The following DNM3 variants were observed in gnomAD, a reference collection of about 807,000 sequenced individuals.
The protein encoded by DNM3 is dynamin-3.
DNM3 carries 47 observed loss-of-function variants against 101.6 expected under a neutral mutation model. The ratio of observed to expected loss-of-function variants is 0.46; its 90% confidence interval spans 0.37 to 0.59. The LOEUF (loss-of-function observed/expected upper bound fraction) is 0.59, where lower values mean the gene tolerates loss of function less well. Among genes scored for constraint, DNM3 ranks in the 20% least tolerant of loss-of-function variants. DNM3 has a pLI of 0.00. For synonymous variants in DNM3, 385 were observed against 387.9 expected, an observed-to-expected ratio of 0.99 and a Z score of 0.09; for missense variants, 849 against 1,085.7, an observed-to-expected ratio of 0.78 and a Z score of 3.06.
chr1:171,916,047 T>C (rs2039683881), intron 1 of DNM3, among the ~76,000 whole-genome samples: 1 of 152,220 alleles, frequency 6.6e-6, no homozygotes, highest in East Asian at 1.9e-4. Context: ...TCTAACTGCC[T>C]ACATGTTGTT....
At chr1:172,253,839 T>C (rs572729364) in intron 15 of DNM3, among the ~76,000 whole-genome samples, 157 bp downstream of exon 15, 2 of 152,238 alleles carry the variant, frequency 1.3e-5, no homozygotes, top group African/African-American at 4.8e-5. Context: ...AATTCCACCA[T>C]GGGTTATGGC....
chr1:172,024,482 C>T (rs1476434829), intron 4 of DNM3, among the ~76,000 whole-genome samples: 1 of 152,122 alleles, frequency 6.6e-6, no homozygotes, highest in African/African-American at 2.4e-5. Flanking sequence ...TGTACTAATT[C>T]CTGAATAAAG....
intron 20 of DNM3, among the ~76,000 whole-genome samples, chr1:172,396,677 A>C (rs1282888705): frequency 1.3e-5 from 2 of 152,240 alleles, no homozygotes; most frequent in Non-Finnish European, 2.9e-5. Flanking sequence ...TTATTTTACA[A>C]TCAAATATAC....
At position 171,899,055 on chromosome 1, in the gene DNM3, C is replaced by T. The variant is rs538890061; in HGVS notation, c.162-22693C>T. ...CATTGTTCCTCTTAGCCCCTCCGGA[C>T]GCTTGCCTAGCTGGGCTGAGGCAGG... is the stretch of plus-strand genomic sequence containing the variant. On this transcript the variant is annotated intron_variant, in intron 1 of 20. Coordinates refer to ENST00000627582, the MANE Select transcript of DNM3 (RefSeq NM_015569.5). Among the ~76,000 whole-genome samples, 156 of 152,306 alleles carry T rather than the reference C, an allele frequency of 1.0e-3. 3 individuals carry two copies. In the South Asian group the frequency reaches 0.028, roughly 28 times the overall value.
rs115509931 is a variant in DNM3 at position 172,197,966 on chromosome 1, G to A, written c.1660-55607G>A. 8.7e-3 allele frequency among the ~76,000 whole-genome samples: 1,325 copies of A among 152,226 alleles called. 16 individuals are homozygous for A. The highest frequency in any genetic ancestry group is 0.029 in the African/African-American group (1,185 of 41,530). Reference sequence around the variant, plus strand: ...CTATGTTGAGTGAAGTGGTAAGAGAGGGCATCCTTGTCCTGTGCCAGTTTT... The same window carrying A: ...CTATGTTGAGTGAAGTGGTAAGAGAAGGCATCCTTGTCCTGTGCCAGTTTT... On this transcript the variant is annotated intron_variant, in intron 14 of 20. Transcript: ENST00000627582.
At chr1:171,923,435 T>A (rs2040334315) in intron 2 of DNM3, among the ~76,000 whole-genome samples, 1 of 150,080 alleles carries the variant, frequency 6.7e-6, no homozygotes, top group African/African-American at 2.5e-5. Context: ...TGATTTGCAT[T>A]TTTTTTTTCT....
rs575702706 is a variant in DNM3, at chr1:172,143,911, T to C, written c.1659+12623T>C. Among the ~76,000 whole-genome samples the C allele has an allele frequency of 2.0e-5, 3 of 152,216 alleles. 1 individual carries two copies. The highest frequency in any genetic ancestry group is 4.8e-5 in the African/African-American group (2 of 41,542). On this transcript the variant is annotated intron_variant, in intron 14 of 20. Transcript: ENST00000627582. ...GGTACTATTATTCCTGTTGTTTATA[T>C]TACAGAAGGAAATCTTCAGAAAAGC...
chr1:172,388,209 G>C (rs2069309062), intron 19 of DNM3, among the ~76,000 whole-genome samples: 2 of 152,056 alleles, frequency 1.3e-5, no homozygotes, highest in Non-Finnish European at 2.9e-5. Flanking sequence ...ACTCCAGCCT[G>C]GGTGACAGAG....
chr1:172,367,364 C>T (rs1422363592), intron 17 of DNM3, among the ~76,000 whole-genome samples: 1 of 151,826 alleles, frequency 6.6e-6, no homozygotes, highest in Non-Finnish European at 1.5e-5. Context: ...AGAAGTCCTA[C>T]ACATGGAAGC....
chr1:171,937,733 C>T (rs1188002245), intron 2 of DNM3, among the ~76,000 whole-genome samples: 1 of 145,986 alleles, frequency 6.8e-6, no homozygotes, highest in African/African-American at 2.5e-5. Context: ...CCACATTTAG[C>T]TAATTTTTCT....
At chr1:171,920,645 A>C (rs1004969741) in intron 1 of DNM3, among the ~76,000 whole-genome samples, 1 of 152,334 alleles carries the variant, frequency 6.6e-6, no homozygotes, top group South Asian at 2.1e-4. Flanking sequence ...ATGTGTTTAA[A>C]AACTGTGCTA....
At chr1:172,311,178 T>G (rs2065063548) in intron 16 of DNM3, 1 of 152,172 alleles carries the variant, frequency 6.6e-6, no homozygotes, top group African/African-American at 2.4e-5. Flanking sequence ...ATGAACATTT[T>G]CATCAAAACT....
Position 172,045,419 on chromosome 1 carries a change from C to A in DNM3, c.1196+967C>A, listed in dbSNP as rs2049714905. Among the ~76,000 whole-genome samples the A allele has an allele frequency of 2.0e-5, 3 of 152,092 alleles. No individual in the cohort carries two copies. The South Asian group carries it at 6.2e-4, about 32-fold the overall frequency. On this transcript the variant is annotated intron_variant, in intron 9 of 20. Transcript: ENST00000627582. ...CAGTGCTGTCTTCTTATTCTGTCCT[C>A]ATGTGGCAGAGAGAAAGCTAGTTAG...
chr1:172,214,820 G>A (rs2060636852), intron 14 of DNM3, among the ~76,000 whole-genome samples: 1 of 152,028 alleles, frequency 6.6e-6, no homozygotes. Context: ...CCTGCAATTA[G>A]TGTATTTTAA....
intron 17 of DNM3, among the ~76,000 whole-genome samples, chr1:172,365,062 T>C (rs944403538): frequency 2.6e-5 from 4 of 151,944 alleles, no homozygotes; most frequent in African/African-American, 9.7e-5. Context: ...ACACAGTATA[T>C]GGACTTATTT....
intron 6 of DNM3, among the ~76,000 whole-genome samples, chr1:172,037,795 G>A (rs1204747822): frequency 6.6e-6 from 1 of 152,170 alleles, no homozygotes; most frequent in Non-Finnish European, 1.5e-5. Flanking sequence ...GGAAGTATGA[G>A]TAAGTTTCTG....
At chr1:171,904,870 A>C (rs1312154596) in intron 1 of DNM3, among the ~76,000 whole-genome samples, 3 of 152,124 alleles carry the variant, frequency 2.0e-5, no homozygotes, top group African/African-American at 7.2e-5. Context: ...CAGTGGAAAG[A>C]AGTTACCTTC....
chr1:172,101,615 A>G (rs976949445), intron 13 of DNM3, among the ~76,000 whole-genome samples: 5 of 152,200 alleles, frequency 3.3e-5, no homozygotes, highest in African/African-American at 1.2e-4. Context: ...TCTATGAGGT[A>G]GGTACCCCTA....
At chr1:171,865,152 A>G (rs897667942) in intron 1 of DNM3, among the ~76,000 whole-genome samples, 10 of 152,198 alleles carry the variant, frequency 6.6e-5, no homozygotes, top group African/African-American at 1.9e-4. Flanking sequence ...TCATTTATTT[A>G]TTCATTCTTT....
Sources: allele counts gnomAD v4.1 joint callset (sites outside exome capture counted in the v4.1 genomes callset), GRCh38; gene constraint gnomAD v4.1.1; transcripts MANE v1.5; gene names NCBI Gene and HGNC (gene_info 2026-07-23, HGNC 2026-07-21).